PTPRT: variants seen among roughly 807,000 people sequenced by gnomAD.
The protein encoded by PTPRT is receptor-type tyrosine-protein phosphatase T.
PTPRT carries 56 observed loss-of-function variants against 176.8 expected under a neutral mutation model. That is an observed-to-expected ratio of 0.32 (90% CI 0.26 to 0.40). PTPRT has a LOEUF of 0.40. Ranked by LOEUF, PTPRT falls within the 10% of genes least tolerant of loss-of-function variation. PTPRT has a pLI of 1.00. For missense variants in PTPRT, 1,540 were observed against 1,908.2 expected (o/e 0.81, Z 3.60); for synonymous variants, 783 against 739.0 (o/e 1.06, Z -0.96).
intron 1 of PTPRT, among the ~76,000 whole-genome samples, chr20:43,179,545 C>T (rs1333863438): frequency 6.6e-6 from 1 of 152,174 alleles, no homozygotes; most frequent in South Asian, 2.1e-4. Flanking sequence ...TACAAAAACA[C>T]AGTCGTACTT....
intron 1 of PTPRT, among the ~76,000 whole-genome samples, chr20:42,959,337 C>G (rs144286510): frequency 1.3e-5 from 2 of 152,104 alleles, no homozygotes; most frequent in Non-Finnish European, 2.9e-5. Flanking sequence ...AAACGGTGAT[C>G]ACCAAAAGAC....
At chr20:42,307,906 A>G (rs2057567805) in intron 12 of PTPRT, among the ~76,000 whole-genome samples, 1 of 152,152 alleles carries the variant, frequency 6.6e-6, no homozygotes, top group Admixed American at 6.5e-5. Flanking sequence ...GCCAAATCCC[A>G]CCAAAAGCAA....
chr20:43,102,613 G>A (rs2012440626), intron 1 of PTPRT, among the ~76,000 whole-genome samples: 1 of 152,196 alleles, frequency 6.6e-6, no homozygotes, highest in African/African-American at 2.4e-5. Flanking sequence ...TCTCCAGAGT[G>A]ATGGCAATTT....
At chr20:42,281,301 C>T (rs1026469303) in intron 13 of PTPRT, among the ~76,000 whole-genome samples, 1 of 152,150 alleles carries the variant, frequency 6.6e-6, no homozygotes, top group Non-Finnish European at 1.5e-5. Context: ...TGAGAGGGAA[C>T]AAGTTAGGGA....
At chr20:42,107,012 C>A (rs1383598441) in intron 23 of PTPRT, 91 bp from the exon 24 acceptor site, 1 of 1,483,742 alleles carries the variant, frequency 6.7e-7, no homozygotes, top group Non-Finnish European at 9.1e-7. Context: ...CCCCAAGGGT[C>A]CTGCTGGGAG....
intron 2 of PTPRT, among the ~76,000 whole-genome samples, chr20:42,811,956 C>G (rs1320356491): frequency 6.6e-6 from 1 of 152,022 alleles, no homozygotes; most frequent in Non-Finnish European, 1.5e-5. Context: ...GACTTGTGAG[C>G]TTTATATTCT....
chr20:42,137,504 A>T (rs1390734330), intron 18 of PTPRT, among the ~76,000 whole-genome samples: 1 of 151,694 alleles, frequency 6.6e-6, no homozygotes, highest in Non-Finnish European at 1.5e-5. Context: ...TGCAGAGAGG[A>T]CTCTTTGGTA....
At chr20:42,176,922 C>T (rs1990318393) in intron 16 of PTPRT, among the ~76,000 whole-genome samples, 1 of 152,138 alleles carries the variant, frequency 6.6e-6, no homozygotes, top group African/African-American at 2.4e-5. Flanking sequence ...TCAAACTATG[C>T]CCTGGATATT....
At chr20:42,843,849 C>T (rs2078322355) in intron 2 of PTPRT, among the ~76,000 whole-genome samples, 1 of 152,202 alleles carries the variant, frequency 6.6e-6, no homozygotes, top group Non-Finnish European at 1.5e-5. Flanking sequence ...CCTTAAAAAG[C>T]ACATCACCTT....
chr20:42,412,910 G>C (rs1237918827), intron 9 of PTPRT, among the ~76,000 whole-genome samples: 2 of 152,122 alleles, frequency 1.3e-5, no homozygotes, highest in South Asian at 4.1e-4. Context: ...TAATTTTAAA[G>C]GGGCATGGGG....
chr20:42,843,392 CTCTGCTGGGCA>C (rs1027307279), intron 2 of PTPRT, among the ~76,000 whole-genome samples: 7 of 148,794 alleles, frequency 4.7e-5, no homozygotes, highest in Non-Finnish European at 1.1e-4. Context: ...CCACCACGGC[CTCTGCTGGGCA>C]GCTGCTACTA....
intron 6 of PTPRT, chr20:42,687,195 A>C (rs1472817066): frequency 6.6e-6 from 1 of 152,194 alleles, no homozygotes; most frequent in Admixed American, 6.5e-5. Context: ...CCCCCCCAAC[A>C]GAGAGACAGA....
chr20:42,622,421 T>C (rs560752276), intron 7 of PTPRT, among the ~76,000 whole-genome samples: 175 of 152,242 alleles, frequency 1.1e-3, no homozygotes, highest in Non-Finnish European at 2.2e-3. Flanking sequence ...TTTGTATTTT[T>C]AGTAGAGACG....
intron 11 of PTPRT, among the ~76,000 whole-genome samples, chr20:42,345,007 T>A (rs902794076): frequency 6.6e-6 from 1 of 152,138 alleles, no homozygotes; most frequent in African/African-American, 2.4e-5. Flanking sequence ...TCCCAGCTTC[T>A]GAGCTCACCA....
intron 11 of PTPRT, among the ~76,000 whole-genome samples, chr20:42,326,315 T>C (rs889921202): frequency 1.3e-5 from 2 of 152,128 alleles, no homozygotes; most frequent in Middle Eastern, 3.2e-3. Context: ...CTCTAGAACT[T>C]GCCTCTAAAA....
At chr20:42,139,323 GT>G in intron 18 of PTPRT, among the ~76,000 whole-genome samples, 1 of 152,168 alleles carries the variant, frequency 6.6e-6, no homozygotes, top group African/African-American at 2.4e-5. Context: ...AGGTGCTTCA[GT>G]TCTCTCTGTC....
intron 3 of PTPRT, among the ~76,000 whole-genome samples, chr20:42,785,184 A>T (rs2077270919): frequency 6.6e-6 from 1 of 152,200 alleles, no homozygotes; most frequent in African/African-American, 2.4e-5. Flanking sequence ...TGCTTTCCCA[A>T]GAAAAGGCAC....
At chr20:43,172,205 G>C (rs1462677775) in intron 1 of PTPRT, among the ~76,000 whole-genome samples, 1 of 152,152 alleles carries the variant, frequency 6.6e-6, no homozygotes, top group African/African-American at 2.4e-5. Flanking sequence ...TTTCTGTTAA[G>C]ATCCGGAGAG....
intron 4 of PTPRT, among the ~76,000 whole-genome samples, chr20:42,775,802 A>G (rs1224562378): frequency 6.6e-6 from 1 of 152,244 alleles, no homozygotes; most frequent in East Asian, 1.9e-4. Flanking sequence ...CCATATGTTA[A>G]TAGAAAATAT....
Sources: gnomAD v4.1 joint callset for allele counts (sites outside exome capture counted in the v4.1 genomes callset) on GRCh38, gnomAD v4.1.1 for gene constraint, MANE v1.5 for transcripts, NCBI Gene and HGNC (gene_info 2026-07-23, HGNC 2026-07-21) for gene names.